CPSF1: variants seen among roughly 807,000 people sequenced by gnomAD.
CPSF1 encodes cleavage and polyadenylation specificity factor subunit 1.
A neutral mutation model predicts 175.8 loss-of-function variants in CPSF1; 106 were observed. That is an observed-to-expected ratio of 0.60 (90% CI 0.52 to 0.71). The LOEUF (loss-of-function observed/expected upper bound fraction) is 0.71, where lower values mean the gene tolerates loss of function less well. Among genes scored for constraint, CPSF1 ranks in the 30% least tolerant of loss-of-function variants. The pLI is 0.00. For synonymous variants in CPSF1, 1,024 were observed against 858.3 expected, an observed-to-expected ratio of 1.19 and a Z score of -3.37; for missense variants, 1,734 against 2,022.9, an observed-to-expected ratio of 0.86 and a Z score of 2.74.
At chr8:144,401,623 C>T (rs1554867263) in intron 3 of CPSF1, 23 bp downstream of exon 3, 1 of 1,611,642 alleles carries the variant, frequency 6.2e-7, no homozygotes, top group East Asian at 2.2e-5. Context: ...CCGCACAGCC[C>T]CAGGCCGCCC....
chr8:144,397,164 CA>C lies in CPSF1; in HGVS notation c.2592+42del, dbSNP rs1328088858. The C allele has an allele frequency of 3.3e-6, 5 of 1,496,904 alleles. No homozygotes were observed. In the South Asian group the frequency reaches 3.7e-5, roughly 11 times the overall value. The allele number at this position is 1,496,904 out of a possible 1,614,324, so 92.7% of individuals were successfully genotyped here. A position where few individuals can be genotyped will look rare whatever the true frequency, so the allele number is the denominator to read the frequency against. On this transcript the variant is annotated intron_variant, in intron 23 of 37. Transcript: ENST00000616140. ...GGGGCTGTGGGGGAACGGGCAGGGCCAGGGGGAAGATGGGAAGGGGAGGCCA... is the reference window on the plus strand; with the variant it reads ...GGGGCTGTGGGGGAACGGGCAGGGCCGGGGGAAGATGGGAAGGGGAGGCCA...
intron 16 of CPSF1, 28 bp downstream of exon 16, chr8:144,398,930 G>A: frequency 6.2e-7 from 1 of 1,612,414 alleles, no homozygotes; most frequent in Non-Finnish European, 8.5e-7. Context: ...CCCACCAGGA[G>A]GCGCCCGCCC....
chr8:144,401,321 C>G (rs782581053), intron 4 of CPSF1, 30 bp from the exon 5 acceptor site: 1 of 1,591,862 alleles, frequency 6.3e-7, no homozygotes, highest in Middle Eastern at 1.7e-4. Flanking sequence ...CCGTGGCTGC[C>G]GACTGCCGGT....
Position 144,400,495 on chromosome 8 carries a change from T to C in CPSF1, c.687-2A>G. On this transcript the variant is annotated splice_acceptor_variant, in intron 7 of 37. Coordinates refer to ENST00000616140, the MANE Select transcript of CPSF1 (RefSeq NM_013291.3). LOFTEE classifies it high-confidence loss of function. Reference sequence around the variant, plus strand: ...GTGTCCTGCCGCACGGCCACGCGCCTGGGGACGCCAGTGGGTCAGCCAAGG... The same window carrying C: ...GTGTCCTGCCGCACGGCCACGCGCCCGGGGACGCCAGTGGGTCAGCCAAGG... 6.2e-7 allele frequency: 1 copy of C among 1,612,476 alleles called. No homozygotes were observed. The highest frequency in any genetic ancestry group is 8.5e-7 in the Non-Finnish European group (1 of 1,179,916).
chr8:144,400,287 A>G lies in CPSF1; in HGVS notation c.827-11T>C. The stretch of plus-strand genomic sequence containing the variant: ...ACACCACCACCCCACCTGGAGGTGG[A>G]CACAGGCTGGTGGGCAGGCTCAGTG... On this transcript the variant is annotated splice_polypyrimidine_tract_variant and intron_variant, in intron 8 of 37. Coordinates refer to ENST00000616140, the MANE Select transcript of CPSF1 (RefSeq NM_013291.3). The G allele has an allele frequency of 6.2e-7, 1 of 1,607,996 alleles. No homozygotes were observed. The highest frequency in any genetic ancestry group is 8.5e-7 in the Non-Finnish European group (1 of 1,175,548).
Position 144,396,891 on chromosome 8 carries a change from G to C in CPSF1, c.2631C>G (p.Phe877Leu). Residue 877 changes from phenylalanine (F) to leucine (L), a missense_variant, in exon 24 of 38, where the codon TTC (phenylalanine) becomes TTG (leucine). By Grantham distance (22) the Phe-to-Leu change is conservative. Transcript: ENST00000616140. ...CCTGGCCGAGCTGAGAGTCGTGGGGGAAGGCCTCGTAGATAAGCAGCTCTT... is the reference window on the plus strand; with the variant it reads ...CCTGGCCGAGCTGAGAGTCGTGGGGCAAGGCCTCGTAGATAAGCAGCTCTT... The part of the protein sequence containing the change: ...VDQELLIYEA[F>L]PHDSQLGQGN... 1.2e-6 allele frequency: 2 copies of C among 1,613,894 alleles called. No homozygotes were observed. Among genetic ancestry groups the C allele is most frequent in the Non-Finnish European group, 1.7e-6 (2 of 1,179,922 alleles).
rs374513752 is a variant in CPSF1, at chr8:144,396,374, G to C, written c.2953C>G (p.Arg985Gly). Reference protein sequence around the residue: ...FAPFHNVNCPRGFLYFNRQGE... With the variant: ...FAPFHNVNCPGGFLYFNRQGE... ...TGTCTGTTGAAGTACAGGAAGCCGCGGGGACAGTTGACATTGTGGAATGGA... is the reference window on the plus strand; with the variant it reads ...TGTCTGTTGAAGTACAGGAAGCCGCCGGGACAGTTGACATTGTGGAATGGA... Residue 985 changes from arginine to glycine, a missense_variant, in exon 26 of 38, where the codon CGC becomes GGC. Physicochemically the swap from Arg to Gly is moderately radical, Grantham distance 125. This residue lies in a region of CPSF1 where 585 missense variants were observed against 584.7 expected (regional missense o/e 1.00). Transcript: ENST00000616140. 1.3e-6 allele frequency: 2 copies of C among 1,587,882 alleles called. No individual in the cohort carries two copies. Among genetic ancestry groups the C allele is most frequent in the Admixed American group, 3.7e-5 (2 of 54,164 alleles).
In CPSF1 at chr8:144,398,555, G is replaced by A. The variant is rs1301794455; in HGVS notation, c.1722C>T (p.Phe574=). The A allele has an allele frequency of 2.5e-6, 4 of 1,613,812 alleles. No homozygotes were observed. Among genetic ancestry groups the A allele is most frequent in the Non-Finnish European group, 2.5e-6 (3 of 1,179,960 alleles). The change falls in exon 18 of 38, where the codon TTC becomes TTT. Residue 574 remains phenylalanine (F), a synonymous_variant. Transcript: ENST00000616140. ...TGGAGTCTTCCCGGCTCAGAATCAG[G>A]AATCCGTGTCTGCGGCCGTCGTCGT... ...EADDDGRRHG[F]LILSREDSTM...
Position 144,396,959 on chromosome 8 carries a change from C to T in CPSF1, c.2593-30G>A, listed in dbSNP as rs371462404. ...CAGGATGAGGGGAGCCATGGGGGAA[C>T]GGGCAGGGCCATGGAGAACATGGGA... is the stretch of plus-strand genomic sequence containing the variant. On this transcript the variant is annotated intron_variant, in intron 23 of 37. Coordinates refer to ENST00000616140, the MANE Select transcript of CPSF1 (RefSeq NM_013291.3). 11 of 1,530,198 alleles carry T rather than the reference C, an allele frequency of 7.2e-6. No individual in the cohort carries two copies. In the East Asian group the frequency reaches 1.1e-4, roughly 16 times the overall value. The allele number at this position is 1,530,198 out of a possible 1,614,324, so 94.8% of individuals were successfully genotyped here. A position where few individuals can be genotyped will look rare whatever the true frequency, so the allele number is the denominator to read the frequency against.
At position 144,393,483 on chromosome 8, in the gene CPSF1, A is replaced by G; in HGVS notation, c.4253T>C (p.Leu1418Pro). The change falls in exon 37 of 38, where the codon CTA (leucine) becomes CCA (proline). Residue 1418 changes from leucine to proline, a missense_variant. Physicochemically the swap from Leu to Pro is moderately conservative, Grantham distance 98. Coordinates refer to ENST00000616140, the MANE Select transcript of CPSF1 (RefSeq NM_013291.3). Reference sequence around the variant, plus strand: ...TGGTGTGGTGCCGATCTTCTTGGCTAGCTCGCTGCGCTCCATGGTGCTCAG... The same window carrying G: ...TGGTGTGGTGCCGATCTTCTTGGCTGGCTCGCTGCGCTCCATGGTGCTCAG... Reference protein sequence around the residue: ...LYLSTMERSELAKKIGTTPDI... With the variant: ...LYLSTMERSEPAKKIGTTPDI... 1.3e-6 allele frequency: 2 copies of G among 1,567,564 alleles called. No individual in the cohort carries two copies. Among genetic ancestry groups the G allele is most frequent in the Non-Finnish European group, 1.7e-6 (2 of 1,157,610 alleles).
At position 144,397,392 on chromosome 8, in the gene CPSF1, G is replaced by A. The variant is rs782401958; in HGVS notation, c.2407C>T (p.Arg803Trp). ...AAGTTCTTCACCAGGAACACCAGCCGCCAGTCGGGAAGCTGGTAGATCTGC... is the reference window on the plus strand; with the variant it reads ...AAGTTCTTCACCAGGAACACCAGCCACCAGTCGGGAAGCTGGTAGATCTGC... The part of the protein sequence containing the change: ...TMEIYQLPDW[R>W]LVFLVKNFPV... The change falls in exon 23 of 38, where the codon CGG (arginine) becomes TGG (tryptophan). Residue 803 changes from arginine to tryptophan, a missense_variant. Physicochemically the swap from Arg to Trp is moderately radical, Grantham distance 101. Around this residue, in one of 10 missense-constraint regions of CPSF1, gnomAD observed 585 missense variants for 584.7 expected, o/e 1.00. Transcript: ENST00000616140. 5.7e-5 allele frequency: 89 copies of A among 1,570,930 alleles called. No individual in the cohort carries two copies. The highest frequency in any genetic ancestry group is 7.3e-5 in the Non-Finnish European group (84 of 1,158,076).
rs782667547 is a variant in CPSF1, at chr8:144,395,246, A to AG, written c.3187+18_3187+19insC. The AG allele has an allele frequency of 1.9e-6, 3 of 1,612,714 alleles. No homozygotes were observed. The South Asian group carries it at 3.3e-5, about 18-fold the overall frequency. On this transcript the variant is annotated intron_variant, in intron 28 of 37. Transcript: ENST00000616140. ...CCAAGATGCGGCTGAGGATGGGAGT[A>AG]TGGTGTGGGCGTCACCACCTCTCTC...
At chr8:144,403,901 G>C (rs1438896076) in intron 2 of CPSF1, among the ~76,000 whole-genome samples, 1 of 151,950 alleles carries the variant, frequency 6.6e-6, no homozygotes, top group South Asian at 2.1e-4. Flanking sequence ...ATGTGGTGCT[G>C]GGAGTGAAAC....
At chr8:144,395,892 G>A (rs1055596223) in intron 26 of CPSF1, 2 of 459,586 alleles carry the variant, frequency 4.4e-6, no homozygotes, top group South Asian at 4.7e-5. Flanking sequence ...CCTCTTTCAT[G>A]GACAGTCCTG....
intron 2 of CPSF1, among the ~76,000 whole-genome samples, chr8:144,407,547 C>T (rs1238410619): frequency 1.3e-5 from 2 of 151,946 alleles, no homozygotes; most frequent in South Asian, 2.1e-4. Flanking sequence ...ATTAGCCGGG[C>T]GTGGTGTCAC....
chr8:144,406,159 A>T (rs1196040057), intron 2 of CPSF1, among the ~76,000 whole-genome samples: 3 of 1,720 alleles, frequency 1.7e-3, no homozygotes, highest in Non-Finnish European at 0.053. Flanking sequence ...CCCGTTTCTT[A>T]AAAACAAAAA....
rs142998325 is a variant in CPSF1 at position 144,399,929 on chromosome 8, G to A, written c.1032-61C>T. ...ACCCTGGGGGAGTGAAGGGGGCCAG[G>A]GGACCCTACAGGACTTGTGGGGGGC... On this transcript the variant is annotated intron_variant, in intron 10 of 37. Transcript: ENST00000616140. This position sits in a 1 kb window ranked among gnomAD's most constrained non-coding sequence, Gnocchi z 6.4. 2.4e-4 allele frequency: 385 copies of A among 1,580,384 alleles called. No individual in the cohort carries two copies. In the African/African-American group the frequency reaches 4.3e-3, roughly 18 times the overall value.
At chr8:144,409,268 G>GCCGC in intron 1 of CPSF1, 21 bp downstream of exon 1, 3 of 1,078,896 alleles carry the variant, frequency 2.8e-6, no homozygotes, top group South Asian at 4.5e-5. Flanking sequence ...TGCCGCCTCG[G>GCCGC]CCGCCCGCCC....
chr8:144,398,284 A>ATCACCTCC lies in CPSF1; in HGVS notation c.1894+17_1894+18insGGAGGTGA. 2.2e-6 allele frequency: 2 copies of ATCACCTCC among 914,582 alleles called. No individual in the cohort carries two copies. The highest frequency in any genetic ancestry group is 4.4e-5 in the South Asian group (2 of 45,740). The allele number at this position is 914,582 out of a possible 1,614,324, so 56.7% of individuals were successfully genotyped here. A position where few individuals can be genotyped will look rare whatever the true frequency, so the allele number is the denominator to read the frequency against. On this transcript the variant is annotated intron_variant, in intron 19 of 37. Coordinates refer to ENST00000616140, the MANE Select transcript of CPSF1 (RefSeq NM_013291.3). ...CCAGCAGGCAGATGCCCAGGGCCCA[A>ATCACCTCC]CCACCCCCCCCACCTACCTCCTTCC...
Sources: allele counts gnomAD v4.1 joint callset (sites outside exome capture counted in the v4.1 genomes callset), GRCh38; gene constraint gnomAD v4.1.1; regional missense constraint gnomAD v4.1.1; non-coding constraint Gnocchi (gnomAD v3.1); transcripts MANE v1.5; gene names NCBI Gene and HGNC (gene_info 2026-07-23, HGNC 2026-07-21).